NPHP4: variants seen among roughly 807,000 people sequenced by gnomAD.
NPHP4 encodes the protein nephrocystin 4.
In NPHP4, 151 loss-of-function variants were observed where a neutral mutation model predicts 155.8. The ratio of observed to expected loss-of-function variants is 0.97; its 90% CI spans 0.85 to 1.11. The LOEUF is 1.11. Among genes scored for constraint, NPHP4 ranks in the 50% least tolerant of loss-of-function variants. The probability of loss-of-function intolerance (pLI) is 0.00; values close to 1 mark genes in which losing one functional copy is unlikely to be tolerated. For missense variants in NPHP4, 1,956 were observed against 1,925.7 expected, an observed-to-expected ratio of 1.02 and a Z score of -0.29; for synonymous variants, 845 against 816.8, an observed-to-expected ratio of 1.03 and a Z score of -0.59.
At chr1:5,961,982 A>G in intron 5 of NPHP4, 33 bp from the exon 6 acceptor site, 1 of 1,565,138 alleles carries the variant, frequency 6.4e-7, no homozygotes, top group Non-Finnish European at 8.7e-7. Flanking sequence ...ATCAACTGAT[A>G]GCTGAAAGCA....
intron 22 of NPHP4, 27 bp downstream of exon 22, chr1:5,874,444 A>G (rs768194119): frequency 2.2e-5 from 33 of 1,492,598 alleles, no homozygotes; most frequent in South Asian, 2.1e-4. Context: ...GCCAAATGCA[A>G]CTTCCCTGTG....
chr1:5,945,716 G>A (rs887163227), intron 9 of NPHP4, among the ~76,000 whole-genome samples: 1 of 152,218 alleles, frequency 6.6e-6, no homozygotes, highest in African/African-American at 2.4e-5. Context: ...CATGGAAGAT[G>A]TCTTGTCAAC....
At chr1:5,888,475 T>C in intron 17 of NPHP4, 2 of 1,221,002 alleles carry the variant, frequency 1.6e-6, no homozygotes, top group South Asian at 3.0e-5. Flanking sequence ...CCTTCCCTTG[T>C]GGGTCTGGGG....
intron 6 of NPHP4, among the ~76,000 whole-genome samples, chr1:5,953,864 T>C (rs1033693989): frequency 5.9e-5 from 9 of 152,238 alleles, no homozygotes; most frequent in African/African-American, 2.2e-4. Flanking sequence ...TTCTCCACCA[T>C]CGTCATCTTC....
intron 18 of NPHP4, 69 bp downstream of exon 18, chr1:5,887,217 G>A: frequency 1.4e-6 from 2 of 1,434,846 alleles, no homozygotes; most frequent in Non-Finnish European, 1.9e-6. Context: ...CCCTGCCCGA[G>A]GGAGCCCACA....
In NPHP4 at chr1:5,978,299, T is replaced by C; in HGVS notation, c.250A>G (p.Arg84Gly). The C allele has an allele frequency of 6.2e-7, 1 of 1,608,838 alleles. No individual in the cohort carries two copies. The highest frequency in any genetic ancestry group is 1.1e-5 in the South Asian group (1 of 90,166). ...TWKTTVKPTK[R>G]PPSRIVFNEP... The stretch of plus-strand genomic sequence containing the variant: ...TTAAAGACGATCCTGGACGGCGGTC[T>C]CTTCGTCGGCTTCACTGTGGTTTTC... Residue 84 changes from arginine (R) to glycine (G), a missense_variant, in exon 3 of 30, where the codon AGA becomes GGA. Physicochemically the swap from Arg to Gly is moderately radical, Grantham distance 125. Coordinates refer to ENST00000378156, the MANE Select transcript of NPHP4 (RefSeq NM_015102.5).
At chr1:5,948,317 T>TG in intron 7 of NPHP4, 66 bp from the exon 8 acceptor site, 2 of 1,261,366 alleles carry the variant, frequency 1.6e-6, no homozygotes, top group African/African-American at 1.5e-5. Context: ...CAGAAGTCCC[T>TG]GGGGGAGGCG....
At chr1:5,951,138 C>T (rs1175573076) in intron 7 of NPHP4, among the ~76,000 whole-genome samples, 1 of 152,172 alleles carries the variant, frequency 6.6e-6, no homozygotes, top group Admixed American at 6.5e-5. Context: ...CACAAAGGCC[C>T]GAGGGAATGG....
intron 23 of NPHP4, among the ~76,000 whole-genome samples, chr1:5,868,613 C>T (rs532617325): frequency 1.6e-4 from 24 of 150,538 alleles, no homozygotes; most frequent in Admixed American, 1.1e-3. Flanking sequence ...TGCAGGCACA[C>T]GTGCACACAC....
chr1:5,921,917 T>TA (rs1204694754), intron 11 of NPHP4, among the ~76,000 whole-genome samples: 1 of 152,134 alleles, frequency 6.6e-6, no homozygotes, highest in East Asian at 1.9e-4. Flanking sequence ...GTAAGCGGAG[T>TA]AACTGCTGCC....
rs370685241 is a variant in NPHP4, at chr1:5,916,825, T to C, written c.1442-7612A>G. Among the ~76,000 whole-genome samples, 6 of 152,222 alleles carry C rather than the reference T, an allele frequency of 3.9e-5. No homozygotes were observed. In the East Asian group the frequency reaches 9.6e-4, roughly 24 times the overall value. ...GAGTTCAAGAGCAGCCTGGCCAACATGGCGAAACCCCATCTCTACTAAAAG... is the reference window on the plus strand; with the variant it reads ...GAGTTCAAGAGCAGCCTGGCCAACACGGCGAAACCCCATCTCTACTAAAAG... On this transcript the variant is annotated intron_variant, in intron 11 of 29. Transcript: ENST00000378156.
rs1174757039 is a variant in NPHP4, at chr1:5,866,110, G to T, written c.3644+263C>A. 3 of 527,850 alleles carry T rather than the reference G, an allele frequency of 5.7e-6. No individual in the cohort carries two copies. The South Asian group carries it at 6.1e-5, about 11-fold the overall frequency. 32.7% of individuals were successfully genotyped at this position (527,850 alleles called of 1,614,324 possible). ...TGGGTGGCCCTTGCCACTATCTGGG[G>T]ACAGAGGCTGACTGGTGTCTCTCCT... On this transcript the variant is annotated intron_variant, in intron 26 of 29. Coordinates refer to ENST00000378156, the MANE Select transcript of NPHP4 (RefSeq NM_015102.5).
At chr1:5,983,608 C>T (rs1655040481) in intron 2 of NPHP4, among the ~76,000 whole-genome samples, 1 of 152,196 alleles carries the variant, frequency 6.6e-6, no homozygotes, top group South Asian at 2.1e-4. Context: ...TGATCTTGCT[C>T]TGTATCCTTC....
chr1:5,945,848 T>A (rs1328051398), intron 9 of NPHP4, among the ~76,000 whole-genome samples: 2 of 152,054 alleles, frequency 1.3e-5, no homozygotes, highest in Non-Finnish European at 2.9e-5. Context: ...AAGAAAACAA[T>A]CCCTAAGTCC....
intron 23 of NPHP4, among the ~76,000 whole-genome samples, chr1:5,872,735 T>C (rs1240978358): frequency 6.6e-6 from 1 of 152,224 alleles, no homozygotes; most frequent in East Asian, 1.9e-4. Context: ...AAAGGCATGT[T>C]TCTACCGAAT....
intron 3 of NPHP4, among the ~76,000 whole-genome samples, chr1:5,971,549 G>A (rs1444817548): frequency 1.3e-5 from 2 of 152,152 alleles, no homozygotes; most frequent in African/African-American, 2.4e-5. Flanking sequence ...CTTCATAAAC[G>A]ACAGATGAGG....
chr1:5,897,599 C>T (rs1373546125), intron 16 of NPHP4, among the ~76,000 whole-genome samples: 6 of 152,232 alleles, frequency 3.9e-5, no homozygotes, highest in South Asian at 4.1e-4. Context: ...GCCCGGAACA[C>T]GGGACGTTCT....
chr1:5,867,054 G>A lies in NPHP4; in HGVS notation c.3534C>T (p.Asn1178=), dbSNP rs372256326. Residue 1178 remains asparagine (N), a synonymous_variant, in exon 25 of 30, where the codon AAC becomes AAT. Coordinates refer to ENST00000378156, the MANE Select transcript of NPHP4 (RefSeq NM_015102.5). This position sits in a 1 kb window ranked among gnomAD's most constrained non-coding sequence, Gnocchi z 4.1. ...PPVHVRCSDP[N]VICETQNVGP... ...CCACATTCTGGGTCTCACAGATGAC[G>A]TTCGGGTCGCTGCAGCGAACATGGA... The A allele has an allele frequency of 1.3e-5, 21 of 1,612,986 alleles. No homozygotes were observed. The highest frequency in any genetic ancestry group is 8.9e-5 in the East Asian group (4 of 44,866).
rs1363920159 is a variant in NPHP4, at chr1:5,944,542, G to A, written c.1119+2562C>T. 1.3e-5 allele frequency among the ~76,000 whole-genome samples: 2 copies of A among 152,202 alleles called. No homozygotes were observed. Among genetic ancestry groups the A allele is most frequent in the Admixed American group, 6.5e-5 (1 of 15,288 alleles). On this transcript the variant is annotated intron_variant, in intron 9 of 29. Coordinates refer to ENST00000378156, the MANE Select transcript of NPHP4 (RefSeq NM_015102.5). This position sits in a 1 kb window ranked among gnomAD's most constrained non-coding sequence, Gnocchi z 4.3. ...ACCCACTTCCAATGGTTCCGCACAG[G>A]AAGCAATTTTTGTGTGGAAGGTCAT...
Sources: allele counts gnomAD v4.1 joint callset (sites outside exome capture counted in the v4.1 genomes callset), GRCh38; gene constraint gnomAD v4.1.1; non-coding constraint Gnocchi (gnomAD v3.1); transcripts MANE v1.5; gene names NCBI Gene and HGNC (gene_info 2026-07-23, HGNC 2026-07-21).